Variants in NRG3 observed in about 807,000 individuals in gnomAD.
NRG3 encodes neuregulin 3, also known as pro-neuregulin-3, membrane-bound isoform.
In NRG3, 31 loss-of-function variants were observed where a neutral mutation model predicts 66.9. That is an observed-to-expected ratio of 0.46 (90% CI 0.35 to 0.63). The LOEUF (loss-of-function observed/expected upper bound fraction) is 0.63. Among genes scored for constraint, NRG3 ranks in the 20% least tolerant of loss-of-function variants. NRG3 has a pLI of 0.00. For synonymous variants in NRG3, 393 were observed against 359.4 expected, an observed-to-expected ratio of 1.09 and a Z score of -1.06; for missense variants, 910 against 878.9, an observed-to-expected ratio of 1.04 and a Z score of -0.45.
chr10:81,886,318 T>G (rs1450150304), intron 1 of NRG3, among the ~76,000 whole-genome samples: 1 of 152,206 alleles, frequency 6.6e-6, no homozygotes, highest in Non-Finnish European at 1.5e-5. Context: ...TTATGCTGAT[T>G]GTTTTTGTTA....
chr10:82,321,264 G>A (rs577583540), intron 1 of NRG3, among the ~76,000 whole-genome samples: 1 of 148,788 alleles, frequency 6.7e-6, no homozygotes, highest in South Asian at 2.1e-4. Flanking sequence ...GGCTGAACAG[G>A]TAAGCCACAC....
At chr10:81,900,996 A>C (rs1183555630) in intron 1 of NRG3, among the ~76,000 whole-genome samples, 1 of 152,248 alleles carries the variant, frequency 6.6e-6, no homozygotes, top group Non-Finnish European at 1.5e-5. Context: ...GATGAAAAGT[A>C]ATGTTTACAT....
chr10:82,207,864 G>C (rs1437327173), intron 1 of NRG3, among the ~76,000 whole-genome samples: 1 of 152,130 alleles, frequency 6.6e-6, no homozygotes, highest in African/African-American at 2.4e-5. Flanking sequence ...ACCTCCACCT[G>C]GTGTCTCCCT....
At chr10:82,072,043 A>G (rs764796587) in intron 1 of NRG3, among the ~76,000 whole-genome samples, 43 of 152,108 alleles carry the variant, frequency 2.8e-4, no homozygotes, top group Non-Finnish European at 3.2e-4. Flanking sequence ...GGTTCTTTAT[A>G]TGTATATGTC....
At chr10:82,304,963 T>C (rs1452745962) in intron 1 of NRG3, among the ~76,000 whole-genome samples, 2 of 151,366 alleles carry the variant, frequency 1.3e-5, no homozygotes, top group Non-Finnish European at 2.9e-5. Flanking sequence ...TTTGCATGTT[T>C]ATTAAGTCAT....
intron 1 of NRG3, among the ~76,000 whole-genome samples, chr10:81,879,821 T>C (rs1842018195): frequency 6.6e-6 from 1 of 152,230 alleles, no homozygotes; most frequent in Non-Finnish European, 1.5e-5. Flanking sequence ...ATTCCTTAAA[T>C]AAGGGTACAC....
chr10:81,962,999 G>C (rs1237176032), intron 1 of NRG3, among the ~76,000 whole-genome samples: 2 of 152,118 alleles, frequency 1.3e-5, no homozygotes, highest in Non-Finnish European at 2.9e-5. Flanking sequence ...AGCCTGCTCA[G>C]AGTCAAGGGA....
At chr10:82,063,488 T>C in intron 1 of NRG3, among the ~76,000 whole-genome samples, 1 of 146,310 alleles carries the variant, frequency 6.8e-6, no homozygotes, top group East Asian at 2.0e-4. Context: ...ACAATCAATA[T>C]ATTTTTTAGA....
At chr10:82,679,127 A>T (rs2053929469) in intron 2 of NRG3, among the ~76,000 whole-genome samples, 1 of 152,206 alleles carries the variant, frequency 6.6e-6, no homozygotes. Context: ...AAAGGACTTG[A>T]TGAGATGACC....
intron 1 of NRG3, among the ~76,000 whole-genome samples, chr10:82,324,079 G>A (rs1232614096): frequency 1.3e-5 from 2 of 152,058 alleles, no homozygotes; most frequent in African/African-American, 2.4e-5. Flanking sequence ...TGGCCAGGCT[G>A]GTGTCTAACT....
At chr10:82,644,798 T>C (rs1218198823) in intron 2 of NRG3, among the ~76,000 whole-genome samples, 2 of 152,158 alleles carry the variant, frequency 1.3e-5, no homozygotes, top group African/African-American at 4.8e-5. Context: ...AATCATCAGA[T>C]ATCACAGAAA....
chr10:82,786,682 A>C (rs1340133640), intron 3 of NRG3, among the ~76,000 whole-genome samples: 1 of 152,160 alleles, frequency 6.6e-6, no homozygotes, highest in Non-Finnish European at 1.5e-5. Flanking sequence ...TTTGTGTGTG[A>C]GAATGACATA....
intron 2 of NRG3, among the ~76,000 whole-genome samples, chr10:82,459,409 ATGTATT>A (rs2091415634): frequency 1.3e-5 from 2 of 152,180 alleles, no homozygotes; most frequent in Admixed American, 1.3e-4. Context: ...GTGCAAGTAT[ATGTATT>A]CATTCATTCA....
Position 82,461,948 on chromosome 10 carries a change from T to C in NRG3, c.953+103080T>C, listed in dbSNP as rs1432745148. ...GAGTTCGAGACCAGCCTGGCCAACA[T>C]GGAGAAACCCCGTCTCTACTAAAAA... is the stretch of plus-strand genomic sequence containing the variant. On this transcript the variant is annotated intron_variant, in intron 2 of 8. Transcript: ENST00000372141. Among the ~76,000 whole-genome samples the C allele has an allele frequency of 2.6e-5, 4 of 152,038 alleles. No homozygotes were observed. In the East Asian group the frequency reaches 7.7e-4, roughly 29 times the overall value.
intron 2 of NRG3, among the ~76,000 whole-genome samples, chr10:82,669,788 C>T (rs1408304481): frequency 1.3e-5 from 2 of 151,850 alleles, no homozygotes; most frequent in Non-Finnish European, 2.9e-5. Context: ...ATAAGCCGGG[C>T]GTGGTGGTGG....
intron 2 of NRG3, among the ~76,000 whole-genome samples, chr10:82,624,695 A>C (rs1443283391): frequency 6.8e-6 from 1 of 147,806 alleles, no homozygotes; most frequent in Non-Finnish European, 1.5e-5. Context: ...ATGTATACAC[A>C]TATGCATACA....
At chr10:81,938,924 T>A (rs1036886649) in intron 1 of NRG3, among the ~76,000 whole-genome samples, 6 of 152,014 alleles carry the variant, frequency 3.9e-5, no homozygotes, top group African/African-American at 1.4e-4. Flanking sequence ...ATATGCTGGG[T>A]AATTTTCTTC....
chr10:81,975,200 G>A (rs1003701407), intron 1 of NRG3, among the ~76,000 whole-genome samples: 3 of 152,064 alleles, frequency 2.0e-5, no homozygotes, highest in Non-Finnish European at 4.4e-5. Flanking sequence ...GCAATGCCAG[G>A]ATCTCAGAGA....
chr10:82,436,691 A>C (rs2090157633), intron 2 of NRG3, among the ~76,000 whole-genome samples: 1 of 151,872 alleles, frequency 6.6e-6, no homozygotes, highest in Admixed American at 6.6e-5. Flanking sequence ...TCCTTTCTGT[A>C]TTTAGTGCTT....
Sources: allele counts gnomAD v4.1 joint callset (sites outside exome capture counted in the v4.1 genomes callset), GRCh38; gene constraint gnomAD v4.1.1; transcripts MANE v1.5; gene names NCBI Gene and HGNC (gene_info 2026-07-23, HGNC 2026-07-21).